The following TRIM32 variants were observed in gnomAD, a reference collection of about 807,000 sequenced individuals.
TRIM32 encodes the protein E3 ubiquitin-protein ligase TRIM32.
A neutral mutation model predicts 36.0 loss-of-function variants in TRIM32; 19 were observed. The ratio of observed to expected loss-of-function variants is 0.53; its 90% confidence interval spans 0.37 to 0.77. The LOEUF is 0.77. Among genes scored for constraint, TRIM32 ranks in the 30% least tolerant of loss-of-function variants. The pLI, the probability that TRIM32 is intolerant of heterozygous loss-of-function variation, is 0.00. For synonymous variants in TRIM32, 309 were observed against 318.5 expected (o/e 0.97, Z 0.32); for missense variants, 747 against 845.2 (o/e 0.88, Z 1.44).
chr9:116,698,754 G>A lies in TRIM32; in HGVS notation c.1012G>A (p.Ala338Thr), dbSNP rs141806013. The change falls in exon 2 of 2, where the codon GCC (alanine) becomes ACC (threonine). Residue 338 changes from alanine to threonine, a missense_variant. Transcript: ENST00000450136. The surrounding 1 kb of genome is among the most constrained non-coding windows in gnomAD (Gnocchi z 4.4). The stretch of plus-strand genomic sequence containing the variant: ...GGAGGAAGTGGTTGCCAGCCCTAGG[G>A]CCTCACCTGCTAAACAGCGGGGTCC... ...SPEEVVASPR[A>T]SPAKQRGPEA... 176 of 1,614,156 alleles carry A rather than the reference G, an allele frequency of 1.1e-4. No individual in the cohort carries two copies. Among genetic ancestry groups the A allele is most frequent in the Non-Finnish European group, 1.4e-4 (166 of 1,180,028 alleles).
Position 116,694,459 on chromosome 9 carries a change from C to CTTTTTTT in TRIM32, c.-81-3189_-81-3183dup, listed in dbSNP as rs56666915. 6.6e-3 allele frequency among the ~76,000 whole-genome samples: 578 copies of CTTTTTTT among 87,996 alleles called. 19 individuals carry two copies. The highest frequency in any genetic ancestry group is 0.01 in the Middle Eastern group (1 of 98). 57.7% of individuals were successfully genotyped at this position (87,996 alleles called of 152,430 possible). A position where few individuals can be genotyped will look rare whatever the true frequency, so the allele number is the denominator to read the frequency against. ...GCATGGATCCTGAGTTGTAATTTCT[C>CTTTTTTT]TTTTTTTTTTTTTTTTTTTTGAGAT... On this transcript the variant is annotated intron_variant, in intron 1 of 1. Coordinates refer to ENST00000450136, the MANE Select transcript of TRIM32 (RefSeq NM_012210.4).
At position 116,700,271 on chromosome 9, in the gene TRIM32, A is replaced by G. The variant is rs1285651908; in HGVS notation, c.*567A>G. The G allele has an allele frequency of 5.8e-6, 1 of 172,322 alleles. No homozygotes were observed. Among genetic ancestry groups the G allele is most frequent in the East Asian group, 1.9e-4 (1 of 5,340 alleles). The allele number at this position is 172,322 out of a possible 1,614,324, so 10.7% of individuals were successfully genotyped here. A position where few individuals can be genotyped will look rare whatever the true frequency, so the allele number is the denominator to read the frequency against. On this transcript the variant is annotated 3_prime_UTR_variant, in exon 2 of 2. Transcript: ENST00000450136. Reference sequence around the variant, plus strand: ...GAAAGTCATTCATTTAGTGCTACCAAAGGGGATACACAAGCCCTTTAGGAA... The same window carrying G: ...GAAAGTCATTCATTTAGTGCTACCAGAGGGGATACACAAGCCCTTTAGGAA...
chr9:116,689,729 T>G (rs1860469048), intron 1 of TRIM32, among the ~76,000 whole-genome samples: 1 of 152,154 alleles, frequency 6.6e-6, no homozygotes, highest in Admixed American at 6.5e-5. Flanking sequence ...GGGGTAAATC[T>G]CTCTGATTAG....
At position 116,697,769 on chromosome 9, in the gene TRIM32, G is replaced by T; in HGVS notation, c.27G>T (p.Leu9=). Residue 9 remains leucine (L), a synonymous_variant, in exon 2 of 2, where the codon CTG becomes CTT. Transcript: ENST00000450136. ...TGGCTGCAGCAGCAGCTTCTCACCT[G>T]AACCTGGATGCCCTCCGGGAAGTGC... MAAAAASH[L]NLDALREVLE... The T allele has an allele frequency of 2.5e-6, 4 of 1,614,088 alleles. No homozygotes were observed. Among genetic ancestry groups the T allele is most frequent in the Non-Finnish European group, 2.5e-6 (3 of 1,180,042 alleles).
At chr9:116,696,949 T>C (rs1213051459) in intron 1 of TRIM32, among the ~76,000 whole-genome samples, 1 of 80,462 alleles carries the variant, frequency 1.2e-5, no homozygotes, top group Non-Finnish European at 2.7e-5. Context: ...TGTGACATGA[T>C]TAAAAAAAAA....
At chr9:116,691,622 T>G (rs16933830) in intron 1 of TRIM32, among the ~76,000 whole-genome samples, 6,904 of 152,280 alleles carry the variant, frequency 0.045, 542 homozygotes, top group African/African-American at 0.16. Flanking sequence ...AGCATGCCTG[T>G]GTTTCCCTAT....
intron 1 of TRIM32, among the ~76,000 whole-genome samples, chr9:116,689,467 A>C (rs1860453774): frequency 6.6e-6 from 1 of 152,164 alleles, no homozygotes; most frequent in Non-Finnish European, 1.5e-5. Context: ...AGTCCTTCTA[A>C]GTAGGCTCTA....
rs921165936 is a variant in TRIM32 at position 116,700,501 on chromosome 9, G to T, written c.*797G>T. Reference sequence around the variant, plus strand: ...AAATGCTGATATAGTCAGCAAATTTGGATAGTCTCTAGGGCTCATCATTTT... The same window carrying T: ...AAATGCTGATATAGTCAGCAAATTTTGATAGTCTCTAGGGCTCATCATTTT... On this transcript the variant is annotated 3_prime_UTR_variant, in exon 2 of 2. Transcript: ENST00000450136. The T allele has an allele frequency of 1.8e-5, 3 of 167,138 alleles. No homozygotes were observed. Among genetic ancestry groups the T allele is most frequent in the Admixed American group, 6.5e-5 (1 of 15,282 alleles). The allele number at this position is 167,138 out of a possible 1,614,324, so 10.4% of individuals were successfully genotyped here.
chr9:116,699,451 C>A lies in TRIM32; in HGVS notation c.1709C>A (p.Ser570Ter). 1 of 1,614,176 alleles carries A rather than the reference C, an allele frequency of 6.2e-7. No homozygotes were observed. The highest frequency in any genetic ancestry group is 8.5e-7 in the Non-Finnish European group (1 of 1,180,040). The change falls in exon 2 of 2, where the codon TCG (serine) becomes TAG (stop). Residue 570 changes from serine (S) to a stop codon, truncating the protein, a stop_gained. Transcript: ENST00000450136. LOFTEE classifies it high-confidence loss of function. This position sits in a 1 kb window ranked among gnomAD's most constrained non-coding sequence, Gnocchi z 4.2. Reference protein sequence around the residue: ...QLGRQISHFFSENEDFRCIAG... With the variant: ...QLGRQISHFF ...GGTCGCCAGATTAGCCACTTCTTCT[C>A]GGAGAATGAGGATTTCCGCTGCATT... is the stretch of plus-strand genomic sequence containing the variant.
chr9:116,699,879 C>G lies in TRIM32; in HGVS notation c.*175C>G, dbSNP rs1046346181. ...TTTTTATTTGTTATGTCCCCCTCCC[C>G]GCTTCCCACCTAAATTTAGAGCTTT... On this transcript the variant is annotated 3_prime_UTR_variant, in exon 2 of 2. Transcript: ENST00000450136. The surrounding 1 kb of genome is among the most constrained non-coding windows in gnomAD (Gnocchi z 4.2). The G allele has an allele frequency of 1.2e-6, 1 of 816,540 alleles. No homozygotes were observed. The highest frequency in any genetic ancestry group is 1.8e-5 in the South Asian group (1 of 54,996). 50.6% of individuals were successfully genotyped at this position (816,540 alleles called of 1,614,324 possible). A position where few individuals can be genotyped will look rare whatever the true frequency, so the allele number is the denominator to read the frequency against.
intron 1 of TRIM32, among the ~76,000 whole-genome samples, chr9:116,692,716 C>T (rs1309630385): frequency 7.9e-5 from 12 of 152,120 alleles, no homozygotes; most frequent in Admixed American, 7.9e-4. Flanking sequence ...GATTTGTGGT[C>T]TTAATTTCCC....
Position 116,698,312 on chromosome 9 carries a change from T to A in TRIM32, c.570T>A (p.His190Gln), listed in dbSNP as rs1459582736. ...RYKAVLQEYG[H>Q]EERRVQDELA... ...AAGCAGTTCTCCAGGAGTATGGGCA[T>A]GAGGAGCGCAGGGTCCAGGATGAGC... Residue 190 changes from histidine to glutamine, a missense_variant, in exon 2 of 2, where the codon CAT (histidine) becomes CAA (glutamine). Transcript: ENST00000450136. The surrounding 1 kb of genome is among the most constrained non-coding windows in gnomAD (Gnocchi z 4.4). 4 of 1,614,034 alleles carry A rather than the reference T, an allele frequency of 2.5e-6. No homozygotes were observed. In the South Asian group the frequency reaches 4.4e-5, roughly 18 times the overall value.
In TRIM32 at chr9:116,699,528, C is replaced by G. The variant is rs765348678; in HGVS notation, c.1786C>G (p.Arg596Gly). ...RGDLIVADSS[R>G]KEILHFPKGG... ...TGATCTCATCGTGGCTGACAGTAGTCGCAAGGAAATTCTCCATTTTCCTAA... is the reference window on the plus strand; with the variant it reads ...TGATCTCATCGTGGCTGACAGTAGTGGCAAGGAAATTCTCCATTTTCCTAA... The change falls in exon 2 of 2, where the codon CGC becomes GGC. Residue 596 changes from arginine to glycine, a missense_variant. Physicochemically the swap from Arg to Gly is moderately radical, Grantham distance 125 (BLOSUM62 -2). Coordinates refer to ENST00000450136, the MANE Select transcript of TRIM32 (RefSeq NM_012210.4). The surrounding 1 kb of genome is among the most constrained non-coding windows in gnomAD (Gnocchi z 4.2). 1.9e-6 allele frequency: 3 copies of G among 1,614,020 alleles called. No individual in the cohort carries two copies. Among genetic ancestry groups the G allele is most frequent in the Non-Finnish European group, 2.5e-6 (3 of 1,180,030 alleles).
At chr9:116,693,049 A>T (rs549446083) in intron 1 of TRIM32, among the ~76,000 whole-genome samples, 10 of 152,320 alleles carry the variant, frequency 6.6e-5, no homozygotes, top group Admixed American at 1.3e-4. Context: ...TTTATATGCC[A>T]TGAAAGGAAA....
In TRIM32 at chr9:116,698,194, A is replaced by C. The variant is rs1391229018; in HGVS notation, c.452A>C (p.Glu151Ala). 9 of 1,614,124 alleles carry C rather than the reference A, an allele frequency of 5.6e-6. No homozygotes were observed. Among genetic ancestry groups the C allele is most frequent in the Non-Finnish European group, 7.6e-6 (9 of 1,180,038 alleles). The change falls in exon 2 of 2, where the codon GAG becomes GCG. Residue 151 changes from glutamate to alanine, a missense_variant. By Grantham distance (107) the Glu-to-Ala change is moderately radical (BLOSUM62 -1). Transcript: ENST00000450136. This position sits in a 1 kb window ranked among gnomAD's most constrained non-coding sequence, Gnocchi z 4.4. ...AAEERRRDFG[E>A]KLTRLRELMG... is the part of the protein sequence containing the mutation. ...GAGGAGCGGCGTCGGGACTTTGGAGAGAAGTTAACTCGTCTGCGGGAACTT... is the reference window on the plus strand; with the variant it reads ...GAGGAGCGGCGTCGGGACTTTGGAGCGAAGTTAACTCGTCTGCGGGAACTT...
chr9:116,699,121 A>G lies in TRIM32; in HGVS notation c.1379A>G (p.His460Arg). The G allele has an allele frequency of 6.2e-7, 1 of 1,614,046 alleles. No individual in the cohort carries two copies. The highest frequency in any genetic ancestry group is 1.1e-5 in the South Asian group (1 of 91,084). Residue 460 changes from histidine to arginine, a missense_variant, in exon 2 of 2, where the codon CAC (histidine) becomes CGC (arginine). His to Arg is a conservative substitution (Grantham distance 29, BLOSUM62 0). Transcript: ENST00000450136. The surrounding 1 kb of genome is among the most constrained non-coding windows in gnomAD (Gnocchi z 4.2). ...NSLKVYTLDG[H>R]CVACHRSQLS... ...CTCAAGGTATATACCTTGGATGGCCACTGCGTGGCCTGTCACAGGAGCCAG... is the reference window on the plus strand; with the variant it reads ...CTCAAGGTATATACCTTGGATGGCCGCTGCGTGGCCTGTCACAGGAGCCAG...
intron 1 of TRIM32, among the ~76,000 whole-genome samples, chr9:116,689,039 A>G (rs548027917): frequency 6.6e-6 from 1 of 152,090 alleles, no homozygotes. Flanking sequence ...ACTGGCCTCA[A>G]GTGGGTAGAT....
Position 116,699,062 on chromosome 9 carries a change from G to T in TRIM32, c.1320G>T (p.Gly440=). The part of the protein sequence containing the change: ...TPLSVAMNCQ[G]LIGVTDSYDN... ...TCTCAGTGGCAATGAACTGCCAGGGGCTGATTGGTGTGACTGACAGCTATG... is the reference window on the plus strand; with the variant it reads ...TCTCAGTGGCAATGAACTGCCAGGGTCTGATTGGTGTGACTGACAGCTATG... Residue 440 remains glycine, a synonymous_variant, in exon 2 of 2, where the codon GGG becomes GGT. Coordinates refer to ENST00000450136, the MANE Select transcript of TRIM32 (RefSeq NM_012210.4). The surrounding 1 kb of genome is among the most constrained non-coding windows in gnomAD (Gnocchi z 4.2). 1.2e-6 allele frequency: 2 copies of T among 1,614,154 alleles called. No individual in the cohort carries two copies. The highest frequency in any genetic ancestry group is 8.5e-7 in the Non-Finnish European group (1 of 1,179,996).
intron 1 of TRIM32, among the ~76,000 whole-genome samples, chr9:116,696,761 T>C (rs1860875652): frequency 6.6e-6 from 1 of 152,160 alleles, no homozygotes; most frequent in South Asian, 2.1e-4. Flanking sequence ...CTCTTGTATC[T>C]AGTACAGAAC....
Sources: gnomAD v4.1 joint callset for allele counts (sites outside exome capture counted in the v4.1 genomes callset) on GRCh38, gnomAD v4.1.1 for gene constraint, Gnocchi (gnomAD v3.1) non-coding constraint, MANE v1.5 for transcripts, NCBI Gene and HGNC (gene_info 2026-07-23, HGNC 2026-07-21) for gene names.